Variants in TRAPPC8 observed in about 807,000 individuals in gnomAD.
The protein encoded by TRAPPC8 is general sporulation gene 1 homolog.
TRAPPC8 carries 54 observed loss-of-function variants against 174.3 expected under a neutral mutation model. The ratio of observed to expected loss-of-function variants is 0.31; its 90% CI spans 0.25 to 0.39. The LOEUF (loss-of-function observed/expected upper bound fraction) is 0.39, where lower values mean the gene tolerates loss of function less well. TRAPPC8 is among the 10% of genes least tolerant of loss of function. The pLI is 1.00. For synonymous variants in TRAPPC8, 630 were observed against 579.9 expected, an observed-to-expected ratio of 1.09 and a Z score of -1.24; for missense variants, 1,531 against 1,699.1, an observed-to-expected ratio of 0.90 and a Z score of 1.74.
At chr18:31,841,278 G>GT (rs962887905) in intron 26 of TRAPPC8, among the ~76,000 whole-genome samples, 85 of 151,620 alleles carry the variant, frequency 5.6e-4, no homozygotes, top group African/African-American at 1.9e-3. Flanking sequence ...TTGTATATTT[G>GT]TTTTTTTTGT....
intron 1 of TRAPPC8, among the ~76,000 whole-genome samples, chr18:31,932,719 C>A (rs565382931): frequency 4.6e-5 from 7 of 152,094 alleles, no homozygotes; most frequent in Non-Finnish European, 1.0e-4. Flanking sequence ...CAGTGGCTCA[C>A]GCCTGTAATC....
intron 26 of TRAPPC8, among the ~76,000 whole-genome samples, chr18:31,846,357 T>C (rs2033401131): frequency 6.6e-6 from 1 of 152,148 alleles, no homozygotes. Context: ...GAGGATCGCT[T>C]GAGCCCAGGA....
At chr18:31,896,274 G>A (rs898157395) in intron 11 of TRAPPC8, 17 of 151,982 alleles carry the variant, frequency 1.1e-4, no homozygotes, top group African/African-American at 4.1e-4. Flanking sequence ...AACTAGAACA[G>A]TAGAAGTTTA....
At chr18:31,914,458 G>A (rs919954216) in intron 4 of TRAPPC8, among the ~76,000 whole-genome samples, 3 of 152,062 alleles carry the variant, frequency 2.0e-5, no homozygotes, top group Non-Finnish European at 4.4e-5. Flanking sequence ...CATTCAATAC[G>A]GAAGACACAC....
chr18:31,864,659 G>T lies in TRAPPC8; in HGVS notation c.2713C>A (p.Pro905Thr). 1.2e-6 allele frequency: 2 copies of T among 1,612,590 alleles called. No individual in the cohort carries two copies. The highest frequency in any genetic ancestry group is 1.7e-6 in the Non-Finnish European group (2 of 1,179,340). The change falls in exon 19 of 29, where the codon CCC (proline) becomes ACC (threonine). Residue 905 changes from proline to threonine, a missense_variant. Coordinates refer to ENST00000283351, the MANE Select transcript of TRAPPC8 (RefSeq NM_014939.5). ...AGTGGCATTTCTTCTGTGATTATGG[G>T]ATCTAAACGTCGATCAGGGCCATAT... ...VKYGPDRRLD[P>T]IITEEMPLLE...
intron 2 of TRAPPC8, among the ~76,000 whole-genome samples, chr18:31,922,255 G>C (rs1374785123): frequency 6.6e-6 from 1 of 152,134 alleles, no homozygotes; most frequent in African/African-American, 2.4e-5. Flanking sequence ...GACATACACA[G>C]ACATACTCTT....
At chr18:31,838,946 T>C (rs573663311) in intron 27 of TRAPPC8, among the ~76,000 whole-genome samples, 1 of 152,270 alleles carries the variant, frequency 6.6e-6, no homozygotes, top group African/African-American at 2.4e-5. Context: ...TGCACCAAAA[T>C]TCATACCTTC....
rs374652952 is a variant in TRAPPC8 at position 31,852,710 on chromosome 18, A to G, written c.3434-47T>C. On this transcript the variant is annotated intron_variant, in intron 22 of 28. Coordinates refer to ENST00000283351, the MANE Select transcript of TRAPPC8 (RefSeq NM_014939.5). The stretch of plus-strand genomic sequence containing the variant: ...TCAAAGATGTTTCTCAGTTCATCAC[A>G]TGATAAAAACCAATTCATTATTTAG... The G allele has an allele frequency of 2.5e-5, 37 of 1,493,468 alleles. No individual in the cohort carries two copies. In the African/African-American group the frequency reaches 4.3e-4, roughly 17 times the overall value. The allele number at this position is 1,493,468 out of a possible 1,614,324, so 92.5% of individuals were successfully genotyped here. A position where few individuals can be genotyped will look rare whatever the true frequency, so the allele number is the denominator to read the frequency against.
chr18:31,914,033 C>A (rs1404647223), intron 4 of TRAPPC8, among the ~76,000 whole-genome samples: 1 of 150,966 alleles, frequency 6.6e-6, no homozygotes, highest in Non-Finnish European at 1.5e-5. Flanking sequence ...AATGGTGGCA[C>A]ACACCTGTGG....
chr18:31,930,022 G>A (rs188203744), intron 2 of TRAPPC8, among the ~76,000 whole-genome samples: 12 of 151,582 alleles, frequency 7.9e-5, no homozygotes, highest in Middle Eastern at 3.4e-3. Flanking sequence ...ACACTTAAAC[G>A]AAATAATTCT....
At position 31,829,839 on chromosome 18, in the gene TRAPPC8, C is replaced by T. The variant is rs1489944416; in HGVS notation, c.*916G>A. 1 of 152,580 alleles carries T rather than the reference C, an allele frequency of 6.6e-6. No individual in the cohort carries two copies. The highest frequency in any genetic ancestry group is 1.9e-4 in the East Asian group (1 of 5,198). The allele number at this position is 152,580 out of a possible 1,614,324, so 9.5% of individuals were successfully genotyped here. A position where few individuals can be genotyped will look rare whatever the true frequency, so the allele number is the denominator to read the frequency against. On this transcript the variant is annotated 3_prime_UTR_variant, in exon 29 of 29. Coordinates refer to ENST00000283351, the MANE Select transcript of TRAPPC8 (RefSeq NM_014939.5). Reference sequence around the variant, plus strand: ...AACCTTGCTCCCATTTCTCTATCTGCAGCAGGGCTGAATTGAAATTTCTTA... The same window carrying T: ...AACCTTGCTCCCATTTCTCTATCTGTAGCAGGGCTGAATTGAAATTTCTTA...
intron 2 of TRAPPC8, among the ~76,000 whole-genome samples, chr18:31,925,272 A>T (rs1037548140): frequency 1.6e-4 from 22 of 133,954 alleles, no homozygotes; most frequent in African/African-American, 5.6e-4. Flanking sequence ...AAGAAAACTT[A>T]AAAAAACAGC....
chr18:31,931,308 A>G, intron 2 of TRAPPC8, 21 bp downstream of exon 2: 1 of 1,478,074 alleles, frequency 6.8e-7, no homozygotes, highest in Middle Eastern at 1.8e-4. Context: ...TCAAAAAATA[A>G]CAATAAACCT....
Position 31,855,581 on chromosome 18 carries a change from A to C in TRAPPC8, c.3336+79T>G, listed in dbSNP as rs556208111. ...CCTAGCTTATGCTGTCTTGTAAAGG[A>C]AAACAAAAACCACTACTAAACACAA... On this transcript the variant is annotated intron_variant, in intron 21 of 28. Coordinates refer to ENST00000283351, the MANE Select transcript of TRAPPC8 (RefSeq NM_014939.5). 1.1e-4 allele frequency: 140 copies of C among 1,320,594 alleles called. 1 individual carries two copies. Among genetic ancestry groups the C allele is most frequent in the Non-Finnish European group, 1.4e-4 (138 of 964,464 alleles). 81.8% of individuals were successfully genotyped at this position (1,320,594 alleles called of 1,614,324 possible).
At position 31,830,780 on chromosome 18, in the gene TRAPPC8, G is replaced by A. The variant is rs368283603; in HGVS notation, c.4283C>T (p.Ala1428Val). 1 of 1,613,958 alleles carries A rather than the reference G, an allele frequency of 6.2e-7. No individual in the cohort carries two copies. Among genetic ancestry groups the A allele is most frequent in the African/African-American group, 1.3e-5 (1 of 74,908 alleles). Residue 1428 changes from alanine to valine, a missense_variant, in exon 29 of 29, where the codon GCC becomes GTC. By Grantham distance (64) the Ala-to-Val change is moderately conservative. Coordinates refer to ENST00000283351, the MANE Select transcript of TRAPPC8 (RefSeq NM_014939.5). ...TCACACATTACTGATGATGATCAGGGCAGGCATGGAATTCTGCTGACTTGT... is the reference window on the plus strand; with the variant it reads ...TCACACATTACTGATGATGATCAGGACAGGCATGGAATTCTGCTGACTTGT... ...FETSQQNSMP[A>V]LIIISNV
At position 31,906,262 on chromosome 18, in the gene TRAPPC8, C is replaced by T. The variant is rs2036652132; in HGVS notation, c.1389+1198G>A. 2.0e-5 allele frequency among the ~76,000 whole-genome samples: 3 copies of T among 149,586 alleles called. No homozygotes were observed. The South Asian group carries it at 6.3e-4, about 32-fold the overall frequency. On this transcript the variant is annotated intron_variant, in intron 9 of 28. Coordinates refer to ENST00000283351, the MANE Select transcript of TRAPPC8 (RefSeq NM_014939.5). ...AAACTTAAGCACAAGAATCTTGAAC[C>T]CGGGAGGTGGAGGTTGCCGTGAGCT... is the stretch of plus-strand genomic sequence containing the variant.
chr18:31,928,664 A>G (rs946747332), intron 2 of TRAPPC8, among the ~76,000 whole-genome samples: 4 of 152,150 alleles, frequency 2.6e-5, no homozygotes, highest in Non-Finnish European at 5.9e-5. Flanking sequence ...ATTACAATGT[A>G]TTGTTGATAT....
chr18:31,910,241 A>G (rs1426780016), intron 5 of TRAPPC8, among the ~76,000 whole-genome samples: 3 of 152,144 alleles, frequency 2.0e-5, no homozygotes, highest in African/African-American at 4.8e-5. Context: ...TATCTAACGC[A>G]ACGTTTATTT....
At chr18:31,852,823 T>A (rs2033782995) in intron 22 of TRAPPC8, 160 bp from the exon 23 acceptor site, 4 of 642,712 alleles carry the variant, frequency 6.2e-6, no homozygotes, top group African/African-American at 1.8e-5. Flanking sequence ...TGAAATGACC[T>A]CTTAAAAAGG....
Sources: allele counts gnomAD v4.1 joint callset (sites outside exome capture counted in the v4.1 genomes callset), GRCh38; gene constraint gnomAD v4.1.1; transcripts MANE v1.5; gene names NCBI Gene and HGNC (gene_info 2026-07-23, HGNC 2026-07-21).